RERE: variants seen among roughly 807,000 people sequenced by gnomAD.
The protein encoded by RERE is arginine-glutamic acid dipeptide repeats.
Under a neutral mutation model 146.1 loss-of-function variants are expected in RERE, and 40 were observed. The observed-to-expected ratio is 0.27, with a 90% CI of 0.21 to 0.36. The LOEUF (loss-of-function observed/expected upper bound fraction) is 0.36. Ranked by LOEUF, RERE falls within the 10% of genes least tolerant of loss-of-function variation. The pLI is 1.00. For synonymous variants in RERE, 1,003 were observed against 866.0 expected (o/e 1.16, Z -2.78); for missense variants, 1,933 against 2,138.7 (o/e 0.90, Z 1.90).
intron 12 of RERE, among the ~76,000 whole-genome samples, chr1:8,396,641 G>A (rs553030362): frequency 6.6e-6 from 1 of 152,190 alleles, no homozygotes; most frequent in Non-Finnish European, 1.5e-5. Flanking sequence ...AACCCAACTC[G>A]AATTAACTTA....
chr1:8,382,508 A>G (rs1344284697), intron 12 of RERE, among the ~76,000 whole-genome samples: 1 of 152,246 alleles, frequency 6.6e-6, no homozygotes. Context: ...ATGAACAAAC[A>G]TTGACTGTCT....
At position 8,662,653 on chromosome 1, in the gene RERE, C is replaced by T. The variant is rs191508726; in HGVS notation, c.-144-6212G>A. 8.3e-4 allele frequency among the ~76,000 whole-genome samples: 127 copies of T among 152,212 alleles called. 1 individual carries two copies. The highest frequency in any genetic ancestry group is 3.0e-3 in the African/African-American group (124 of 41,532). On this transcript the variant is annotated intron_variant, in intron 1 of 22. Transcript: ENST00000400908. Reference sequence around the variant, plus strand: ...TCAAGGCTACAATGGGCTGTGATCACCACCACTGCACTCCAGCCTAGGGAA... The same window carrying T: ...TCAAGGCTACAATGGGCTGTGATCATCACCACTGCACTCCAGCCTAGGGAA...
intron 1 of RERE, among the ~76,000 whole-genome samples, chr1:8,754,745 GTCTT>G (rs1340508715): frequency 6.6e-6 from 1 of 152,008 alleles, no homozygotes; most frequent in African/African-American, 2.4e-5. Flanking sequence ...GTTAACATCT[GTCTT>G]TCTGATTATA....
At chr1:8,716,723 C>A (rs1639772269) in intron 1 of RERE, among the ~76,000 whole-genome samples, 1 of 151,884 alleles carries the variant, frequency 6.6e-6, no homozygotes, top group Non-Finnish European at 1.5e-5. Flanking sequence ...CCCAGAAGAT[C>A]TTTGCTACCT....
At chr1:8,647,413 T>C (rs1382846312) in intron 2 of RERE, among the ~76,000 whole-genome samples, 1 of 152,048 alleles carries the variant, frequency 6.6e-6, no homozygotes, top group Non-Finnish European at 1.5e-5. Flanking sequence ...CAACTGAATT[T>C]GTCACATGTC....
intron 12 of RERE, among the ~76,000 whole-genome samples, 183 bp from the exon 13 acceptor site, chr1:8,366,157 C>T (rs1349848625): frequency 6.6e-6 from 1 of 152,188 alleles, no homozygotes; most frequent in Non-Finnish European, 1.5e-5. Context: ...CTGAGCTGCC[C>T]GTGGACTGCA....
chr1:8,584,415 T>C (rs1248925399), intron 4 of RERE, among the ~76,000 whole-genome samples: 3 of 152,022 alleles, frequency 2.0e-5, no homozygotes, highest in Admixed American at 2.0e-4. Context: ...GGCATGATGG[T>C]GTAGGCCTGT....
intron 10 of RERE, among the ~76,000 whole-genome samples, chr1:8,470,941 C>T (rs1644675840): frequency 6.7e-6 from 1 of 150,270 alleles, no homozygotes; most frequent in African/African-American, 2.5e-5. Context: ...GCCTCAGCCT[C>T]CCGAGTACCT....
At chr1:8,802,805 G>A (rs1346311518) in intron 1 of RERE, among the ~76,000 whole-genome samples, 1 of 152,024 alleles carries the variant, frequency 6.6e-6, no homozygotes, top group African/African-American at 2.4e-5. Context: ...TAAAAAGAAA[G>A]GGGCAAGAAT....
chr1:8,687,038 A>G (rs1639104471), intron 1 of RERE, among the ~76,000 whole-genome samples: 1 of 152,230 alleles, frequency 6.6e-6, no homozygotes, highest in Admixed American at 6.5e-5. Context: ...ACTCTTGTTG[A>G]GAAGTTTTTC....
chr1:8,607,536 T>TTTTTTTTTTC lies in RERE; in HGVS notation c.522+7024_522+7025insGAAAAAAAAA, dbSNP rs1646734717. ...CATATTTGTTTTTATATATATTTCT[T>TTTTTTTTTTC]TTTTTTTTTTTTTTTTTTTTTTTTT... On this transcript the variant is annotated intron_variant, in intron 4 of 22. Coordinates refer to ENST00000400908, the MANE Select transcript of RERE (RefSeq NM_001042681.2). Among the ~76,000 whole-genome samples the TTTTTTTTTTC allele has an allele frequency of 2.2e-4, 5 of 22,502 alleles. 1 individual carries two copies. The highest frequency in any genetic ancestry group is 4.7e-4 in the Non-Finnish European group (5 of 10,596). The allele number at this position is 22,502 out of a possible 152,430, so 14.8% of individuals were successfully genotyped here.
intron 2 of RERE, among the ~76,000 whole-genome samples, chr1:8,644,598 T>C (rs762563457): frequency 6.6e-6 from 1 of 152,252 alleles, no homozygotes; most frequent in Non-Finnish European, 1.5e-5. Context: ...TTTCAGTTAC[T>C]TAGGGTTCAA....
intron 12 of RERE, among the ~76,000 whole-genome samples, chr1:8,371,724 G>A (rs1167767754): frequency 1.3e-5 from 2 of 152,210 alleles, no homozygotes; most frequent in Non-Finnish European, 2.9e-5. Flanking sequence ...AGCTCCCTCC[G>A]CCGCCTGGGC....
At chr1:8,726,521 C>T (rs573922253) in intron 1 of RERE, among the ~76,000 whole-genome samples, 11 of 152,136 alleles carry the variant, frequency 7.2e-5, no homozygotes, top group Non-Finnish European at 1.5e-4. Flanking sequence ...CCATATAATT[C>T]TGATACATTA....
chr1:8,771,075 AAAT>A (rs1388435924), intron 1 of RERE, among the ~76,000 whole-genome samples: 1 of 152,174 alleles, frequency 6.6e-6, no homozygotes, highest in East Asian at 1.9e-4. Context: ...AAAAGACAGA[AAAT>A]AACTACAGCA....
chr1:8,433,654 G>A (rs928513945), intron 11 of RERE, among the ~76,000 whole-genome samples: 9 of 148,604 alleles, frequency 6.1e-5, no homozygotes, highest in South Asian at 4.2e-4. Context: ...TCCGCTTCCC[G>A]GGTTCACGCC....
chr1:8,773,361 T>C (rs993972616), intron 1 of RERE, among the ~76,000 whole-genome samples: 1 of 152,176 alleles, frequency 6.6e-6, no homozygotes, highest in African/African-American at 2.4e-5. Flanking sequence ...AGATGATATG[T>C]CTTCATAACA....
intron 11 of RERE, among the ~76,000 whole-genome samples, chr1:8,438,437 A>G (rs1045424711): frequency 2.6e-5 from 4 of 152,248 alleles, no homozygotes; most frequent in Non-Finnish European, 5.9e-5. Flanking sequence ...ATGTTTTCAT[A>G]AACTTTATTT....
At chr1:8,375,260 C>CT (rs1642194549) in intron 12 of RERE, among the ~76,000 whole-genome samples, 1 of 152,226 alleles carries the variant, frequency 6.6e-6, no homozygotes, top group Non-Finnish European at 1.5e-5. Flanking sequence ...CGAATTGCCA[C>CT]TTTCTTATTT....
Sources: allele counts gnomAD v4.1 joint callset (sites outside exome capture counted in the v4.1 genomes callset), GRCh38; gene constraint gnomAD v4.1.1; transcripts MANE v1.5; gene names NCBI Gene and HGNC (gene_info 2026-07-23, HGNC 2026-07-21).